MDN1: variants seen among roughly 807,000 people sequenced by gnomAD.
MDN1 encodes the protein midasin.
MDN1 carries 266 observed loss-of-function variants against 669.2 expected under a neutral mutation model. That is an observed-to-expected ratio of 0.40 (90% CI 0.36 to 0.44). The LOEUF (loss-of-function observed/expected upper bound fraction) is 0.44. Among genes scored for constraint, MDN1 ranks in the 20% least tolerant of loss-of-function variants. The pLI is 1.00. For missense variants in MDN1, 5,940 were observed against 6,754.0 expected (o/e 0.88, Z 4.22); for synonymous variants, 2,385 against 2,457.1 (o/e 0.97, Z 0.87).
Position 89,642,789 on chromosome 6 carries a change from G to GT in MDN1, c.*1215dup, listed in dbSNP as rs1298476183. 1 of 152,208 alleles carries GT rather than the reference G, an allele frequency of 6.6e-6. No homozygotes were observed. The highest frequency in any genetic ancestry group is 2.4e-5 in the African/African-American group (1 of 41,442). The allele number at this position is 152,208 out of a possible 1,614,324, so 9.4% of individuals were successfully genotyped here. On this transcript the variant is annotated 3_prime_UTR_variant, in exon 102 of 102. Transcript: ENST00000369393. ...AGAGTCACAAATTACATCAACAACAGTGGTATATGTTTTAATAGTTTTCAG... is the reference window on the plus strand; with the variant it reads ...AGAGTCACAAATTACATCAACAACAGTTGGTATATGTTTTAATAGTTTTCAG...
intron 31 of MDN1, among the ~76,000 whole-genome samples, chr6:89,740,746 C>T (rs972606728): frequency 2.6e-5 from 4 of 152,156 alleles, no homozygotes; most frequent in South Asian, 2.1e-4. Context: ...CAATACTATT[C>T]GGGACAAAAA....
At chr6:89,804,288 C>T (rs987799900) in intron 1 of MDN1, among the ~76,000 whole-genome samples, 1 of 152,066 alleles carries the variant, frequency 6.6e-6, no homozygotes, top group Non-Finnish European at 1.5e-5. Context: ...ACTAAAATGT[C>T]CAATTTCCAG....
At position 89,803,549 on chromosome 6, in the gene MDN1, C is replaced by A; in HGVS notation, c.108G>T (p.Trp36Cys). 1 of 1,607,604 alleles carries A rather than the reference C, an allele frequency of 6.2e-7. No homozygotes were observed. Among genetic ancestry groups the A allele is most frequent in the South Asian group, 1.1e-5 (1 of 90,342 alleles). The change falls in exon 2 of 102, where the codon TGG (tryptophan) becomes TGT (cysteine). Residue 36 changes from tryptophan (W) to cysteine (C), a missense_variant. Coordinates refer to ENST00000369393, the MANE Select transcript of MDN1 (RefSeq NM_014611.3). ...ELGRFLAKQV[W>C]TPQDRQCVLS... ...GGACACACTGGCGATCTTGAGGTGT[C>A]CACACCTGAGAAAGGCAAAACAAAA... is the stretch of plus-strand genomic sequence containing the variant.
At chr6:89,812,818 G>C (rs1015006403) in intron 1 of MDN1, among the ~76,000 whole-genome samples, 1 of 152,248 alleles carries the variant, frequency 6.6e-6, no homozygotes, top group African/African-American at 2.4e-5. Context: ...AAGCAATTAG[G>C]CTGGGTGCGG....
At chr6:89,774,067 C>T (rs1027456244) in intron 13 of MDN1, among the ~76,000 whole-genome samples, 3 of 152,054 alleles carry the variant, frequency 2.0e-5, no homozygotes, top group Admixed American at 1.3e-4. Flanking sequence ...ATGGCCCTGT[C>T]GAAACCTTGA....
chr6:89,662,315 C>G (rs1290238028), intron 86 of MDN1, 76 bp from the exon 87 acceptor site: 1 of 1,474,220 alleles, frequency 6.8e-7, no homozygotes, highest in African/African-American at 1.4e-5. Context: ...GACTTTTAGA[C>G]ATGCATAATT....
chr6:89,653,346 C>T (rs780516760), intron 93 of MDN1, among the ~76,000 whole-genome samples, 191 bp from the exon 94 acceptor site: 1 of 152,302 alleles, frequency 6.6e-6, no homozygotes, highest in South Asian at 2.1e-4. Context: ...CTCTAAACTC[C>T]CCTCCTCCTC....
At chr6:89,755,710 T>C (rs1253851065) in intron 20 of MDN1, among the ~76,000 whole-genome samples, 2 of 152,216 alleles carry the variant, frequency 1.3e-5, no homozygotes, top group East Asian at 1.9e-4. Flanking sequence ...ACACAATTAG[T>C]TTCTCATAGA....
At chr6:89,787,660 G>A (rs1003554964) in intron 8 of MDN1, among the ~76,000 whole-genome samples, 194 bp downstream of exon 8, 1 of 151,196 alleles carries the variant, frequency 6.6e-6, no homozygotes, top group South Asian at 2.1e-4. Context: ...TTTTAAGTCG[G>A]GGGGGGGACC....
Position 89,761,743 on chromosome 6 carries a change from G to T in MDN1, c.2362C>A (p.Leu788Ile), listed in dbSNP as rs765243302. The T allele has an allele frequency of 3.8e-6, 6 of 1,599,980 alleles. No homozygotes were observed. Among genetic ancestry groups the T allele is most frequent in the Non-Finnish European group, 5.1e-6 (6 of 1,170,262 alleles). Residue 788 changes from leucine to isoleucine, a missense_variant, in exon 17 of 102, where the codon CTC becomes ATC. Coordinates refer to ENST00000369393, the MANE Select transcript of MDN1 (RefSeq NM_014611.3). ...AATGCTTCCCATTTCTCTTTTATGA[G>T]TAACCCTAAAAAAGAAAGACAAGAA... is the stretch of plus-strand genomic sequence containing the variant. ...KDGKDSETGL[L>I]IKEKWEAFGL...
chr6:89,670,170 A>ACATATATATTTTTTTT (rs1810621069), intron 83 of MDN1, among the ~76,000 whole-genome samples: 1 of 23,412 alleles, frequency 4.3e-5, no homozygotes, highest in African/African-American at 2.6e-4. Context: ...ATATATATAT[A>ACATATATATTTTTTTT]TTTTTTTTTT....
At chr6:89,761,456 A>T (rs1448879643) in intron 17 of MDN1, among the ~76,000 whole-genome samples, 189 bp downstream of exon 17, 2 of 152,154 alleles carry the variant, frequency 1.3e-5, no homozygotes, top group African/African-American at 4.8e-5. Flanking sequence ...TACTTTTAAA[A>T]TTTTTATTTA....
In MDN1 at chr6:89,695,572, G is replaced by GGA. The variant is rs1394839000; in HGVS notation, c.9771+31_9771+32dup. 4 of 1,549,748 alleles carry GGA rather than the reference G, an allele frequency of 2.6e-6. No homozygotes were observed. In the African/African-American group the frequency reaches 5.5e-5, roughly 21 times the overall value. On this transcript the variant is annotated intron_variant, in intron 61 of 101. Coordinates refer to ENST00000369393, the MANE Select transcript of MDN1 (RefSeq NM_014611.3). The surrounding 1 kb of genome is among the most constrained non-coding windows in gnomAD (Gnocchi z 4.1). ...TAAGCAAACCCAGCACGTCAGGGAA[G>GGA]GAGCCCATGCTCCATACTCTTGCCT...
At chr6:89,715,835 G>T in intron 44 of MDN1, 66 bp from the exon 45 acceptor site, 1 of 1,021,388 alleles carries the variant, frequency 9.8e-7, no homozygotes, top group Non-Finnish European at 1.6e-6. Context: ...TTCCTTCCAT[G>T]CACGGGGCTC....
chr6:89,681,437 G>A (rs1373704626), intron 73 of MDN1, among the ~76,000 whole-genome samples: 1 of 152,174 alleles, frequency 6.6e-6, no homozygotes, highest in Non-Finnish European at 1.5e-5. Flanking sequence ...GCCTCCCAAA[G>A]TGCTGGGATT....
At chr6:89,814,796 AG>A in intron 1 of MDN1, 2 of 450,238 alleles carry the variant, frequency 4.4e-6, no homozygotes. Context: ...GATCTCCGCC[AG>A]GGCCCTGGGT....
At chr6:89,771,651 T>G (rs1478961874) in intron 14 of MDN1, 30 bp from the exon 15 acceptor site, 2 of 1,586,180 alleles carry the variant, frequency 1.3e-6, no homozygotes, top group Admixed American at 3.4e-5. Flanking sequence ...AAAGTGTTAC[T>G]CCAAAAATTT....
At chr6:89,778,931 T>C (rs542546112) in intron 11 of MDN1, among the ~76,000 whole-genome samples, 1 of 137,986 alleles carries the variant, frequency 7.2e-6, no homozygotes, top group Non-Finnish European at 1.5e-5. Flanking sequence ...AATAAATAAA[T>C]AAAAAAAAAG....
intron 15 of MDN1, among the ~76,000 whole-genome samples, chr6:89,765,080 C>A (rs1817744946): frequency 6.6e-6 from 1 of 152,106 alleles, no homozygotes; most frequent in South Asian, 2.1e-4. Context: ...CATGGTGAAA[C>A]CCCATCTCTA....
Sources: gnomAD v4.1 joint callset for allele counts (sites outside exome capture counted in the v4.1 genomes callset) on GRCh38, gnomAD v4.1.1 for gene constraint, Gnocchi (gnomAD v3.1) non-coding constraint, MANE v1.5 for transcripts, NCBI Gene and HGNC (gene_info 2026-07-23, HGNC 2026-07-21) for gene names.